Variants in CRB1 observed in about 807,000 individuals in gnomAD.
The protein encoded by CRB1 is crumbs cell polarity complex component 1.
Under a neutral mutation model 120.0 loss-of-function variants are expected in CRB1, and 83 were observed. The observed-to-expected ratio is 0.69, with a 90% CI of 0.58 to 0.83. The LOEUF is 0.83. Ranked by LOEUF, CRB1 falls within the 40% of genes least tolerant of loss-of-function variation. The pLI is 0.00. For missense variants in CRB1, 1,699 were observed against 1,687.6 expected, an observed-to-expected ratio of 1.01 and a Z score of -0.12; for synonymous variants, 625 against 612.5, an observed-to-expected ratio of 1.02 and a Z score of -0.30.
At chr1:197,374,985 G>A (rs1196483702) in intron 5 of CRB1, among the ~76,000 whole-genome samples, 2 of 152,094 alleles carry the variant, frequency 1.3e-5, no homozygotes, top group Non-Finnish European at 2.9e-5. Flanking sequence ...GACCTTGGGG[G>A]TCTTTTGCTT....
intron 5 of CRB1, chr1:197,413,969 T>C (rs1379104172): frequency 2.2e-6 from 1 of 457,062 alleles, no homozygotes; most frequent in Non-Finnish European, 4.4e-6. Flanking sequence ...CCAGGACACA[T>C]GGTTTTCACA....
chr1:197,301,585 G>C (rs894710432), intron 1 of CRB1, among the ~76,000 whole-genome samples: 1 of 152,178 alleles, frequency 6.6e-6, no homozygotes, highest in Admixed American at 6.6e-5. Flanking sequence ...ATCATTCTAG[G>C]TGCCATTCAG....
intron 8 of CRB1, among the ~76,000 whole-genome samples, chr1:197,430,191 C>G (rs1419624702): frequency 2.6e-5 from 4 of 152,186 alleles, no homozygotes; most frequent in Non-Finnish European, 5.9e-5. Context: ...CAAATGTTAG[C>G]AATTTGAATA....
At chr1:197,432,610 C>CATA in intron 8 of CRB1, among the ~76,000 whole-genome samples, 1 of 152,068 alleles carries the variant, frequency 6.6e-6, no homozygotes, top group East Asian at 1.9e-4. Flanking sequence ...CAGGCTTAGG[C>CATA]ATAAGGATTT....
chr1:197,299,823 T>TA (rs1656762539), intron 1 of CRB1, among the ~76,000 whole-genome samples: 1 of 150,740 alleles, frequency 6.6e-6, no homozygotes, highest in Non-Finnish European at 1.5e-5. Flanking sequence ...GCTTCACAGA[T>TA]ACTGCATTTT....
chr1:197,448,638 TTC>T (rs1248191653), intron 11 of CRB1, among the ~76,000 whole-genome samples: 4 of 152,240 alleles, frequency 2.6e-5, no homozygotes, highest in African/African-American at 4.8e-5. Flanking sequence ...CATTCCCTTC[TTC>T]TCTGTTTGAC....
intron 3 of CRB1, among the ~76,000 whole-genome samples, chr1:197,345,463 A>G (rs1659707674): frequency 1.3e-5 from 2 of 151,912 alleles, no homozygotes; most frequent in African/African-American, 2.4e-5. Context: ...GGAGAGCAAT[A>G]AAAGGCACAT....
chr1:197,476,100 G>A (rs1348330253), intron 11 of CRB1, among the ~76,000 whole-genome samples: 1 of 151,916 alleles, frequency 6.6e-6, no homozygotes, highest in Admixed American at 6.6e-5. Context: ...AGTAGAGATA[G>A]GGTTTCACCA....
At chr1:197,385,024 G>T (rs1662140346) in intron 5 of CRB1, among the ~76,000 whole-genome samples, 2 of 152,112 alleles carry the variant, frequency 1.3e-5, no homozygotes, top group African/African-American at 4.8e-5. Context: ...TCTGTCTGAG[G>T]AGTTTCCAGG....
the CRB1 span, among the ~76,000 whole-genome samples, chr1:197,262,305 A>G: frequency 7.2e-5 from 11 of 152,308 alleles, no homozygotes; most frequent in Admixed American, 2.0e-4. Context: ...TTGAATAGAC[A>G]GCTCAAATTG....
rs530600879 is a variant in CRB1, at chr1:197,364,750, A to G, written c.1171+7737A>G. 2.0e-5 allele frequency among the ~76,000 whole-genome samples: 3 copies of G among 152,194 alleles called. No individual in the cohort carries two copies. The South Asian group carries it at 6.2e-4, about 32-fold the overall frequency. On this transcript the variant is annotated intron_variant, in intron 5 of 11. Coordinates refer to ENST00000367400, the MANE Select transcript of CRB1 (RefSeq NM_201253.3). ...TTTCCATTTTGTTCTTTTAAGCAAC[A>G]TATGTTTTTGCTGATACTTCTGTTT...
chr1:197,241,947 G>A, the CRB1 span, among the ~76,000 whole-genome samples: 1 of 152,074 alleles, frequency 6.6e-6, no homozygotes, highest in Non-Finnish European at 1.5e-5. Context: ...TATTCTGTTT[G>A]TAGCAATTGT....
At position 197,268,384 on chromosome 1, in the gene CRB1, A is replaced by G; in HGVS notation, c.-29A>G. ...GGACTGGGACCAGACCACCAGCAAC[A>G]CACCAGAGGATGTTCTCTAAATAAG... On this transcript the variant is annotated 5_prime_UTR_variant, in exon 1 of 12. Coordinates refer to ENST00000367400, the MANE Select transcript of CRB1 (RefSeq NM_201253.3). 6.4e-7 allele frequency: 1 copy of G among 1,550,396 alleles called. No individual in the cohort carries two copies. The highest frequency in any genetic ancestry group is 8.9e-7 in the Non-Finnish European group (1 of 1,122,278).
chr1:197,447,160 A>T (rs1665739857), intron 11 of CRB1, among the ~76,000 whole-genome samples: 1 of 152,202 alleles, frequency 6.6e-6, no homozygotes, highest in South Asian at 2.1e-4. Flanking sequence ...TCAAGGTGTC[A>T]GCCAGAGATG....
At chr1:197,335,506 AT>A (rs891157484) in intron 2 of CRB1, among the ~76,000 whole-genome samples, 18 of 149,872 alleles carry the variant, frequency 1.2e-4, no homozygotes, top group South Asian at 1.1e-3. Flanking sequence ...TTTTGTTTTA[AT>A]TTTTTTTTTC....
In CRB1 at chr1:197,329,850, T is replaced by G. The variant is rs970618092; in HGVS notation, c.652+847T>G. 7.9e-5 allele frequency among the ~76,000 whole-genome samples: 12 copies of G among 152,188 alleles called. 1 individual carries two copies. Among genetic ancestry groups the G allele is most frequent in the Admixed American group, 7.9e-4 (12 of 15,278 alleles). On this transcript the variant is annotated intron_variant, in intron 2 of 11. Transcript: ENST00000367400. ...TCACCACTTTCTTACAGTTCCTGAC[T>G]CATATCTCTAAGACACCACACACAT...
At chr1:197,266,459 G>A (rs1474210608), upstream of CRB1, among the ~76,000 whole-genome samples, 1 of 152,062 alleles carries the variant, frequency 6.6e-6, no homozygotes, top group Non-Finnish European at 1.5e-5. Context: ...TATCACATTG[G>A]GGATTAGGTT....
At chr1:197,244,742 A>T in the CRB1 span, among the ~76,000 whole-genome samples, 1 of 151,588 alleles carries the variant, frequency 6.6e-6, no homozygotes, top group Non-Finnish European at 1.5e-5. Context: ...TTCTTCAAAT[A>T]GTTTTTTTTT....
intron 6 of CRB1, among the ~76,000 whole-genome samples, chr1:197,426,384 G>T (rs1166515529): frequency 6.6e-6 from 1 of 151,676 alleles, no homozygotes; most frequent in Non-Finnish European, 1.5e-5. Flanking sequence ...CCTCCAAATC[G>T]CCCTATTCCC....
Sources: gnomAD v4.1 joint callset for allele counts (sites outside exome capture counted in the v4.1 genomes callset) on GRCh38, gnomAD v4.1.1 for gene constraint, MANE v1.5 for transcripts, NCBI Gene and HGNC (gene_info 2026-07-23, HGNC 2026-07-21) for gene names.